DYDC1: variants seen among roughly 807,000 people sequenced by gnomAD.
DYDC1 encodes DPY30 domain-containing protein 1.
In DYDC1, 21 loss-of-function variants were observed where a neutral mutation model predicts 27.9. That is an observed-to-expected ratio of 0.75 (90% CI 0.53 to 1.08). The LOEUF (loss-of-function observed/expected upper bound fraction) is 1.08. DYDC1 is among the 50% of genes least tolerant of loss of function. The pLI, the probability that DYDC1 is intolerant of heterozygous loss-of-function variation, is 0.00. For missense variants in DYDC1, 202 were observed against 205.9 expected (o/e 0.98, Z 0.12); for synonymous variants, 67 against 65.8 (o/e 1.02, Z -0.09).
At position 80,356,695 on chromosome 10, in the gene DYDC1, C is replaced by T. The variant is rs1453033773; in HGVS notation, c.-10+17G>A. On this transcript the variant is annotated intron_variant, in intron 1 of 6. Coordinates refer to ENST00000372202, the MANE Select transcript of DYDC1 (RefSeq NM_001269053.2). Reference sequence around the variant, plus strand: ...AACAAATCCCAAAAACAGTTCGGGCCTTTCCGGTGCGCTCACCCCTACACA... The same window carrying T: ...AACAAATCCCAAAAACAGTTCGGGCTTTTCCGGTGCGCTCACCCCTACACA... 1 of 984,304 alleles carries T rather than the reference C, an allele frequency of 1.0e-6. No individual in the cohort carries two copies. Among genetic ancestry groups the T allele is most frequent in the East Asian group, 1.1e-4 (1 of 8,818 alleles). 61.0% of individuals were successfully genotyped at this position (984,304 alleles called of 1,614,324 possible).
rs575244905 is a variant in DYDC1, at chr10:80,339,456, A to G, written c.343-303T>C. On this transcript the variant is annotated intron_variant, in intron 4 of 6. Transcript: ENST00000372202. ...ATCTGCCAATATAAAAAGTGACAAA[A>G]TAAAAATTATAATAGAACCTTAGAA... 2.0e-5 allele frequency among the ~76,000 whole-genome samples: 3 copies of G among 146,990 alleles called. No homozygotes were observed. In the South Asian group the frequency reaches 6.7e-4, roughly 33 times the overall value.
At chr10:80,344,495 G>A (rs1043180143) in intron 3 of DYDC1, among the ~76,000 whole-genome samples, 1 of 152,172 alleles carries the variant, frequency 6.6e-6, no homozygotes, top group Non-Finnish European at 1.5e-5. Context: ...GGTCAATGCT[G>A]AGTTTGAAGT....
Position 80,352,615 on chromosome 10 carries a change from AAAGT to A in DYDC1, c.-9-9_-9-6del, listed in dbSNP as rs1211582255. 4 of 1,594,672 alleles carry A rather than the reference AAAGT, an allele frequency of 2.5e-6. No homozygotes were observed. Among genetic ancestry groups the A allele is most frequent in the South Asian group, 2.3e-5 (2 of 86,780 alleles). On this transcript the variant is annotated splice_polypyrimidine_tract_variant and splice_region_variant and intron_variant, in intron 1 of 6. Transcript: ENST00000372202. ...TATTGACTCCATTTCTAACTCCTAA[AAAGT>A]AAGTGTTTTTGCATTACTGCAGGAT...
At chr10:80,336,353 A>G (rs890952168) in intron 6 of DYDC1, 168 bp from the exon 7 acceptor site, 2 of 980,890 alleles carry the variant, frequency 2.0e-6, no homozygotes, top group Non-Finnish European at 2.4e-6. Flanking sequence ...ACCATAAATT[A>G]TGTTCTCAAA....
At chr10:80,351,703 G>A (rs565010600) in intron 3 of DYDC1, among the ~76,000 whole-genome samples, 198 bp downstream of exon 3, 1 of 152,308 alleles carries the variant, frequency 6.6e-6, no homozygotes, top group African/African-American at 2.4e-5. Flanking sequence ...GTGTATATGT[G>A]TATACAAGAA....
At chr10:80,350,752 A>G (rs189996391) in intron 3 of DYDC1, among the ~76,000 whole-genome samples, 3 of 152,200 alleles carry the variant, frequency 2.0e-5, no homozygotes, top group Admixed American at 1.3e-4. Flanking sequence ...GTTAAGTATT[A>G]TCTGGTAGAA....
intron 1 of DYDC1, 71 bp from the exon 2 acceptor site, chr10:80,352,681 G>A: frequency 5.4e-6 from 8 of 1,494,164 alleles, no homozygotes; most frequent in Non-Finnish European, 6.2e-6. Flanking sequence ...AAAGTCCAGT[G>A]AGGTGAACAA....
At chr10:80,342,147 C>T in intron 4 of DYDC1, 122 bp downstream of exon 4, 1 of 867,422 alleles carries the variant, frequency 1.2e-6, no homozygotes, top group Non-Finnish European at 1.8e-6. Flanking sequence ...GCTTACACAG[C>T]TAGTATGTGG....
In DYDC1 at chr10:80,340,169, T is replaced by C. The variant is rs1842271329; in HGVS notation, c.343-1016A>G. Among the ~76,000 whole-genome samples, 3 of 152,232 alleles carry C rather than the reference T, an allele frequency of 2.0e-5. No individual in the cohort carries two copies. In the East Asian group the frequency reaches 5.8e-4, roughly 29 times the overall value. ...CAGGGAGCAGCAGAGGGGAGAGCCCTGGTAGCATCTGATTCTCTTGCTCCC... is the reference window on the plus strand; with the variant it reads ...CAGGGAGCAGCAGAGGGGAGAGCCCCGGTAGCATCTGATTCTCTTGCTCCC... On this transcript the variant is annotated intron_variant, in intron 4 of 6. Coordinates refer to ENST00000372202, the MANE Select transcript of DYDC1 (RefSeq NM_001269053.2).
intron 3 of DYDC1, among the ~76,000 whole-genome samples, chr10:80,347,276 C>CTTTT (rs556362145): frequency 8.9e-5 from 8 of 90,114 alleles, no homozygotes; most frequent in African/African-American, 1.8e-4. Context: ...AATTGGGATC[C>CTTTT]TTTTTTTTTT....
chr10:80,343,845 C>T (rs1406995668), intron 3 of DYDC1, among the ~76,000 whole-genome samples: 2 of 151,950 alleles, frequency 1.3e-5, no homozygotes, highest in African/African-American at 4.8e-5. Context: ...AAATGTAAAA[C>T]AGAATTGGCT....
chr10:80,339,902 A>T (rs537311374), intron 4 of DYDC1, among the ~76,000 whole-genome samples: 3 of 152,202 alleles, frequency 2.0e-5, no homozygotes, highest in Non-Finnish European at 4.4e-5. Flanking sequence ...ACAAGGCTAT[A>T]TGGGGAACAT....
intron 1 of DYDC1, 27 bp downstream of exon 1, chr10:80,356,685 C>T: frequency 8.1e-6 from 8 of 984,126 alleles, no homozygotes; most frequent in African/African-American, 1.7e-5. Context: ...ATCCCAAAAA[C>T]AGTTCGGGCC....
chr10:80,336,699 C>T (rs74145441), intron 6 of DYDC1, among the ~76,000 whole-genome samples: 4,887 of 152,258 alleles, frequency 0.032, 255 homozygotes, highest in African/African-American at 0.11. Context: ...AACCTGCTTC[C>T]TCTTATGTTC....
chr10:80,337,077 C>A, intron 6 of DYDC1: 8 of 962,786 alleles, frequency 8.3e-6, no homozygotes, highest in Non-Finnish European at 9.9e-6. Flanking sequence ...ATTTTCCTAG[C>A]TCCATGGACG....
intron 3 of DYDC1, among the ~76,000 whole-genome samples, chr10:80,345,828 GAT>G (rs202191676): frequency 6.6e-6 from 1 of 151,850 alleles, no homozygotes; most frequent in Non-Finnish European, 1.5e-5. Flanking sequence ...ATATATGTGA[GAT>G]ATATATATAC....
intron 3 of DYDC1, 106 bp from the exon 4 acceptor site, chr10:80,342,467 T>A: frequency 2.0e-6 from 2 of 1,016,850 alleles, no homozygotes; most frequent in Non-Finnish European, 2.8e-6. Context: ...CACATCCAAC[T>A]AATACTTTAG....
intron 4 of DYDC1, among the ~76,000 whole-genome samples, chr10:80,339,556 A>T (rs1257416323): frequency 6.6e-6 from 1 of 152,172 alleles, no homozygotes; most frequent in Admixed American, 6.5e-5. Context: ...ACACTTCTAC[A>T]GGAACTAATC....
intron 4 of DYDC1, among the ~76,000 whole-genome samples, chr10:80,341,160 T>C (rs1242406842): frequency 6.6e-6 from 1 of 151,916 alleles, no homozygotes; most frequent in Admixed American, 6.6e-5. Flanking sequence ...AACTCAGTCA[T>C]CTAGAATATT....
Sources: gnomAD v4.1 joint callset for allele counts (sites outside exome capture counted in the v4.1 genomes callset) on GRCh38, gnomAD v4.1.1 for gene constraint, MANE v1.5 for transcripts, NCBI Gene and HGNC (gene_info 2026-07-23, HGNC 2026-07-21) for gene names.